The following ATP8B4 variants were observed in gnomAD, a reference collection of about 807,000 sequenced individuals.
The protein encoded by ATP8B4 is probable phospholipid-transporting ATPase IM.
ATP8B4 carries 133 observed loss-of-function variants against 145.6 expected under a neutral mutation model. That is an observed-to-expected ratio of 0.91 (90% CI 0.79 to 1.05). The LOEUF is 1.05. Ranked by LOEUF, ATP8B4 falls within the 50% of genes least tolerant of loss-of-function variation. The probability of loss-of-function intolerance (pLI) is 0.00; values close to 1 mark genes in which losing one functional copy is unlikely to be tolerated. For missense variants in ATP8B4, 1,458 were observed against 1,425.2 expected, an observed-to-expected ratio of 1.02 and a Z score of -0.37; for synonymous variants, 507 against 492.9, an observed-to-expected ratio of 1.03 and a Z score of -0.38.
At chr15:50,140,802 T>C (rs977434663) in intron 1 of ATP8B4, among the ~76,000 whole-genome samples, 3 of 152,182 alleles carry the variant, frequency 2.0e-5, no homozygotes, top group Admixed American at 6.5e-5. Flanking sequence ...ACATAGGGAC[T>C]TTTAGGCCCC....
At chr15:50,147,014 G>C (rs898947743) in intron 1 of ATP8B4, among the ~76,000 whole-genome samples, 1 of 152,226 alleles carries the variant, frequency 6.6e-6, no homozygotes, top group South Asian at 2.1e-4. Context: ...CATTATGGGA[G>C]GGTTGTTTTT....
intron 26 of ATP8B4, among the ~76,000 whole-genome samples, chr15:49,863,411 C>A (rs565224489): frequency 6.6e-6 from 1 of 152,162 alleles, no homozygotes; most frequent in African/African-American, 2.4e-5. Context: ...CAAGGCAATA[C>A]GGGTCAGTAA....
intron 23 of ATP8B4, among the ~76,000 whole-genome samples, chr15:49,891,120 C>T (rs1184834795): frequency 6.6e-6 from 1 of 151,980 alleles, no homozygotes; most frequent in South Asian, 2.1e-4. Context: ...AAGTCTCATA[C>T]CCTTCTGCAA....
chr15:49,917,033 G>T lies in ATP8B4; in HGVS notation c.2042C>A (p.Ala681Asp), dbSNP rs2039810112. ...GTTGCAGGCATAACCGATGTTGATG[G>T]CAGTTTCTAACACAAAATAAAGCCC... is the stretch of plus-strand genomic sequence containing the variant. ...WVLTGDKQET[A>D]INIGYACNML... Residue 681 changes from alanine (A) to aspartate (D), a missense_variant, in exon 20 of 28, where the codon GCC becomes GAC. Ala to Asp is a moderately radical substitution (Grantham distance 126). Coordinates refer to ENST00000284509, the MANE Select transcript of ATP8B4 (RefSeq NM_024837.4). 1 of 1,613,686 alleles carries T rather than the reference G, an allele frequency of 6.2e-7. No homozygotes were observed. Among genetic ancestry groups the T allele is most frequent in the African/African-American group, 1.3e-5 (1 of 75,006 alleles).
At chr15:50,178,499 T>TA (rs2044797095) in intron 1 of ATP8B4, among the ~76,000 whole-genome samples, 1 of 152,232 alleles carries the variant, frequency 6.6e-6, no homozygotes, top group Admixed American at 6.5e-5. Flanking sequence ...TTTTTATTTT[T>TA]ATCTGTTTGT....
chr15:49,919,756 GT>G (rs2153453970), intron 18 of ATP8B4, among the ~76,000 whole-genome samples: 1 of 152,228 alleles, frequency 6.6e-6, no homozygotes, highest in East Asian at 1.9e-4. Context: ...ATACTCTCTA[GT>G]ACCTCACAGT....
intron 23 of ATP8B4, chr15:49,883,098 C>T (rs2035675755): frequency 6.6e-6 from 1 of 151,932 alleles, no homozygotes; most frequent in South Asian, 2.1e-4. Flanking sequence ...AAATTTTTCC[C>T]AGGTAGTTCC....
intron 20 of ATP8B4, among the ~76,000 whole-genome samples, chr15:49,915,764 T>C (rs566564564): frequency 8.5e-5 from 13 of 152,122 alleles, no homozygotes; most frequent in South Asian, 8.3e-4. Flanking sequence ...CTAATTAAAT[T>C]TCCCAATTTT....
chr15:50,176,599 G>C (rs2044766249), intron 1 of ATP8B4, among the ~76,000 whole-genome samples: 1 of 152,078 alleles, frequency 6.6e-6, no homozygotes. Context: ...TTGTGACTGG[G>C]ATGGAGAGTA....
At chr15:50,024,239 T>C (rs1319146389) in intron 6 of ATP8B4, among the ~76,000 whole-genome samples, 1 of 152,188 alleles carries the variant, frequency 6.6e-6, no homozygotes, top group East Asian at 1.9e-4. Context: ...ACAGATTCTA[T>C]GATAGAGGTA....
intron 21 of ATP8B4, among the ~76,000 whole-genome samples, chr15:49,899,503 C>T (rs1431555030): frequency 6.6e-6 from 1 of 152,122 alleles, no homozygotes; most frequent in Non-Finnish European, 1.5e-5. Context: ...AAAAACATAA[C>T]TCAGTACAGA....
chr15:49,886,348 G>A (rs369053861), intron 23 of ATP8B4, among the ~76,000 whole-genome samples: 2 of 152,240 alleles, frequency 1.3e-5, no homozygotes, highest in South Asian at 2.1e-4. Flanking sequence ...TAAATGCCAC[G>A]ACAGCACCTG....
At chr15:50,168,407 A>AC (rs1405237794) in intron 1 of ATP8B4, among the ~76,000 whole-genome samples, 3 of 151,668 alleles carry the variant, frequency 2.0e-5, no homozygotes, top group African/African-American at 7.3e-5. Flanking sequence ...TCAAACACAC[A>AC]CCCCCACTGC....
chr15:49,912,189 G>A (rs1441893203), intron 20 of ATP8B4, among the ~76,000 whole-genome samples: 1 of 152,034 alleles, frequency 6.6e-6, no homozygotes, highest in Non-Finnish European at 1.5e-5. Flanking sequence ...CAGAGCATAT[G>A]TAAATAAAAT....
In ATP8B4 at chr15:49,972,743, C is replaced by A; in HGVS notation, c.1082G>T (p.Arg361Leu). The change falls in exon 13 of 28, where the codon CGG (arginine) becomes CTG (leucine). Residue 361 changes from arginine (R) to leucine (L), a missense_variant. Transcript: ENST00000284509. ...TGCTTTTCGAGAATAATACATCTTCCGGTCCCAGTTTATAAAATAACTGTG... is the reference window on the plus strand; with the variant it reads ...TGCTTTTCGAGAATAATACATCTTCAGGTCCCAGTTTATAAAATAACTGTG... ...LGHSYFINWD[R>L]KMYYSRKAIP... 1 of 1,613,924 alleles carries A rather than the reference C, an allele frequency of 6.2e-7. No individual in the cohort carries two copies. The highest frequency in any genetic ancestry group is 8.5e-7 in the Non-Finnish European group (1 of 1,179,960).
chr15:50,019,207 C>T (rs2049335525), intron 6 of ATP8B4, among the ~76,000 whole-genome samples: 1 of 152,094 alleles, frequency 6.6e-6, no homozygotes, highest in Admixed American at 6.5e-5. Flanking sequence ...TATTGGCCCC[C>T]TTGTTTATGA....
intron 3 of ATP8B4, among the ~76,000 whole-genome samples, chr15:50,069,018 A>T (rs1293319668): frequency 6.6e-6 from 1 of 152,196 alleles, no homozygotes; most frequent in Non-Finnish European, 1.5e-5. Flanking sequence ...TTTTTCTTTT[A>T]ACAATTATTA....
intron 2 of ATP8B4, among the ~76,000 whole-genome samples, chr15:50,100,760 G>C (rs1030290092): frequency 6.6e-6 from 1 of 152,168 alleles, no homozygotes; most frequent in African/African-American, 2.4e-5. Flanking sequence ...GCCAGTCACT[G>C]TCAGGAAGCG....
At chr15:50,085,963 T>TATGATATATATCATA (rs1567331356) in intron 2 of ATP8B4, among the ~76,000 whole-genome samples, 16 of 53,798 alleles carry the variant, frequency 3.0e-4, no homozygotes, top group African/African-American at 7.8e-4. Flanking sequence ...TCATATATAT[T>TATGATATATATCATA]TATATATGAT....
Sources: allele counts gnomAD v4.1 joint callset (sites outside exome capture counted in the v4.1 genomes callset), GRCh38; gene constraint gnomAD v4.1.1; transcripts MANE v1.5; gene names NCBI Gene and HGNC (gene_info 2026-07-23, HGNC 2026-07-21).